Variants in VWA8 observed in about 807,000 individuals in gnomAD.
VWA8 encodes von Willebrand factor A domain-containing protein 8.
VWA8 carries 221 observed loss-of-function variants against 241.5 expected under a neutral mutation model. The observed-to-expected ratio is 0.91, with a 90% confidence interval of 0.82 to 1.02. The LOEUF is 1.02. Ranked by LOEUF, VWA8 falls within the 50% of genes least tolerant of loss-of-function variation. The pLI is 0.00. For synonymous variants in VWA8, 852 were observed against 827.1 expected, an observed-to-expected ratio of 1.03 and a Z score of -0.52; for missense variants, 2,322 against 2,328.7, an observed-to-expected ratio of 1.00 and a Z score of 0.06.
intron 12 of VWA8, among the ~76,000 whole-genome samples, chr13:41,847,867 G>A (rs1020488065): frequency 6.6e-6 from 1 of 152,204 alleles, no homozygotes; most frequent in Non-Finnish European, 1.5e-5. Context: ...AATATGGAAT[G>A]CAACATACTC....
intron 12 of VWA8, among the ~76,000 whole-genome samples, chr13:41,854,191 G>T (rs1214338763): frequency 6.6e-6 from 1 of 152,066 alleles, no homozygotes; most frequent in Non-Finnish European, 1.5e-5. Flanking sequence ...AAAAGAATAT[G>T]AGTTCTAGTT....
intron 20 of VWA8, among the ~76,000 whole-genome samples, chr13:41,766,728 G>A (rs2045781231): frequency 6.6e-6 from 1 of 152,014 alleles, no homozygotes; most frequent in Non-Finnish European, 1.5e-5. Context: ...TTAACTCTCA[G>A]CACCAGAATG....
intron 21 of VWA8, among the ~76,000 whole-genome samples, chr13:41,758,382 A>AGCAC (rs2045710484): frequency 7.4e-5 from 2 of 27,146 alleles, no homozygotes; most frequent in Non-Finnish European, 1.7e-4. Context: ...ATATATATAT[A>AGCAC]TATATATATA....
chr13:41,872,554 T>G (rs1476327845), intron 9 of VWA8, among the ~76,000 whole-genome samples: 2 of 152,204 alleles, frequency 1.3e-5, no homozygotes, highest in African/African-American at 4.8e-5. Context: ...CACCATTTAT[T>G]AAATAGGGAA....
chr13:41,815,681 T>C (rs902350546), intron 16 of VWA8, among the ~76,000 whole-genome samples: 26 of 152,244 alleles, frequency 1.7e-4, no homozygotes, highest in Non-Finnish European at 2.9e-4. Context: ...TTTCAGACTT[T>C]TGTTGTCCAG....
intron 16 of VWA8, 111 bp downstream of exon 16, chr13:41,816,587 C>A: frequency 9.1e-7 from 1 of 1,098,070 alleles, no homozygotes; most frequent in South Asian, 1.5e-5. Context: ...TAAGGGATTC[C>A]AAAAAATAAA....
intron 21 of VWA8, among the ~76,000 whole-genome samples, chr13:41,740,567 A>C (rs2045562570): frequency 6.6e-6 from 1 of 152,160 alleles, no homozygotes; most frequent in Admixed American, 6.5e-5. Context: ...TCTTGGTATA[A>C]ATGCAATCGG....
chr13:41,884,199 T>C (rs1281769747), intron 8 of VWA8, among the ~76,000 whole-genome samples: 1 of 152,160 alleles, frequency 6.6e-6, no homozygotes, highest in Non-Finnish European at 1.5e-5. Context: ...TCATCTTGAA[T>C]TGTAGCTCCC....
chr13:41,706,472 G>A lies in VWA8; in HGVS notation c.3117-3061C>T, dbSNP rs144393754. Among the ~76,000 whole-genome samples the A allele has an allele frequency of 2.8e-4, 42 of 152,220 alleles. 1 individual carries two copies. The East Asian group carries it at 6.9e-3, about 25-fold the overall frequency. ...GGTAACATGGGGTATTATTGTTTCC[G>A]GACTTTTACTGTAGGCTCTAGGCTG... is the stretch of plus-strand genomic sequence containing the variant. On this transcript the variant is annotated intron_variant, in intron 26 of 44. Transcript: ENST00000379310.
chr13:41,826,173 G>A (rs1482267970), intron 14 of VWA8, among the ~76,000 whole-genome samples: 1 of 152,184 alleles, frequency 6.6e-6, no homozygotes, highest in East Asian at 1.9e-4. Flanking sequence ...CATACTATCA[G>A]AGTGAAGCAG....
chr13:41,897,951 G>A (rs1163070131), intron 4 of VWA8, among the ~76,000 whole-genome samples: 2 of 152,144 alleles, frequency 1.3e-5, no homozygotes, highest in Admixed American at 1.3e-4. Context: ...ACAGGGCGCT[G>A]ACTGGTGCGT....
intron 24 of VWA8, among the ~76,000 whole-genome samples, chr13:41,724,303 A>C (rs2045414988): frequency 6.6e-6 from 1 of 152,228 alleles, no homozygotes; most frequent in Admixed American, 6.5e-5. Context: ...AATGACTGTG[A>C]GGAATTTTGT....
chr13:41,914,003 A>G (rs1468613443), intron 2 of VWA8, among the ~76,000 whole-genome samples: 2 of 152,216 alleles, frequency 1.3e-5, no homozygotes, highest in Non-Finnish European at 2.9e-5. Context: ...GCACTTTGGG[A>G]GGCCGAGGCA....
intron 20 of VWA8, among the ~76,000 whole-genome samples, chr13:41,771,560 C>G (rs2045823229): frequency 1.3e-5 from 2 of 152,118 alleles, no homozygotes; most frequent in African/African-American, 2.4e-5. Context: ...CAGAGACTCA[C>G]TCTTAGGGAC....
At position 41,685,242 on chromosome 13, in the gene VWA8, A is replaced by G. The variant is rs770869044; in HGVS notation, c.4132T>C (p.Ser1378Pro). 3.1e-6 allele frequency: 5 copies of G among 1,608,456 alleles called. No homozygotes were observed. The East Asian group carries it at 1.1e-4, about 36-fold the overall frequency. ...TIVVGFPDLM[S>P]PSEVYSWKRP... is the part of the protein sequence containing the mutation. The stretch of plus-strand genomic sequence containing the variant: ...TTCCAAGAATAAACTTCACTGGGTG[A>G]CTGAAAAAAAGAAAGAGATTAAAGT... The change falls in exon 35 of 45, where the codon TCA becomes CCA. Residue 1378 changes from serine to proline, a missense_variant and splice_region_variant. Transcript: ENST00000379310.
intron 2 of VWA8, among the ~76,000 whole-genome samples, chr13:41,923,592 G>A (rs887960869): frequency 4.6e-5 from 7 of 151,866 alleles, no homozygotes; most frequent in Non-Finnish European, 1.0e-4. Flanking sequence ...CCAGATCCCC[G>A]TGCTGCTGCA....
intron 4 of VWA8, among the ~76,000 whole-genome samples, chr13:41,902,045 C>T (rs1875477719): frequency 1.3e-5 from 2 of 150,770 alleles, no homozygotes; most frequent in Non-Finnish European, 3.0e-5. Flanking sequence ...AGAGATCTTC[C>T]CCGACTGTCC....
At chr13:41,711,676 C>T (rs535092727) in intron 26 of VWA8, among the ~76,000 whole-genome samples, 36 of 152,204 alleles carry the variant, frequency 2.4e-4, no homozygotes, top group African/African-American at 6.5e-4. Context: ...AGATCGAGAC[C>T]ATCCTAGCTA....
intron 4 of VWA8, among the ~76,000 whole-genome samples, chr13:41,895,763 T>C (rs988381387): frequency 6.6e-6 from 1 of 151,932 alleles, no homozygotes; most frequent in Non-Finnish European, 1.5e-5. Flanking sequence ...TCCTGTTTGC[T>C]AAATTGTTTT....
Sources: allele counts gnomAD v4.1 joint callset (sites outside exome capture counted in the v4.1 genomes callset), GRCh38; gene constraint gnomAD v4.1.1; transcripts MANE v1.5; gene names NCBI Gene and HGNC (gene_info 2026-07-23, HGNC 2026-07-21).